The following AASDH variants were observed in gnomAD, a reference collection of about 807,000 sequenced individuals.
AASDH encodes the protein beta-alanine-activating enzyme.
A neutral mutation model predicts 102.3 loss-of-function variants in AASDH; 81 were observed. The ratio of observed to expected loss-of-function variants is 0.79; its 90% CI spans 0.66 to 0.95. The LOEUF (loss-of-function observed/expected upper bound fraction) is 0.95. Ranked by LOEUF, AASDH falls within the 40% of genes least tolerant of loss-of-function variation. AASDH has a pLI of 0.00. For missense variants in AASDH, 1,203 were observed against 1,266.2 expected, an observed-to-expected ratio of 0.95 and a Z score of 0.76; for synonymous variants, 398 against 454.0, an observed-to-expected ratio of 0.88 and a Z score of 1.57.
At chr4:56,369,642 G>A (rs1474552109) in intron 5 of AASDH, among the ~76,000 whole-genome samples, 1 of 152,188 alleles carries the variant, frequency 6.6e-6, no homozygotes, top group Admixed American at 6.5e-5. Context: ...AATAGAAAGT[G>A]GAAGGTGGGC....
chr4:56,372,058 GTAGTCCC>G, intron 4 of AASDH, among the ~76,000 whole-genome samples: 1 of 152,320 alleles, frequency 6.6e-6, no homozygotes, highest in East Asian at 1.9e-4. Context: ...ATCAAACCCT[GTAGTCCC>G]TAATCAGCTG....
In AASDH at chr4:56,354,112, A is replaced by G; in HGVS notation, c.1310T>C (p.Ile437Thr). Residue 437 changes from isoleucine to threonine, a missense_variant, in exon 8 of 15, where the codon ATT (isoleucine) becomes ACT (threonine). Coordinates refer to ENST00000205214, the MANE Select transcript of AASDH (RefSeq NM_181806.4). ...ACTGTCTTTTCGTCCCAAAAAAAAA[A>G]TCTCTCCATCTTTCACAGTCACAAA... Reference protein sequence around the residue: ...GDFVTVKDGEIFFLGRKDSQI... With the variant: ...GDFVTVKDGETFFLGRKDSQI... 6.2e-7 allele frequency: 1 copy of G among 1,613,384 alleles called. No homozygotes were observed. Among genetic ancestry groups the G allele is most frequent in the Non-Finnish European group, 8.5e-7 (1 of 1,179,554 alleles).
At chr4:56,377,071 A>AT (rs200043377) in intron 4 of AASDH, among the ~76,000 whole-genome samples, 52,639 of 138,084 alleles carry the variant, frequency 0.38, 9,873 homozygotes, top group Non-Finnish European at 0.43. Flanking sequence ...CGTCTCAAAA[A>AT]AAAAAAAAAA....
intron 11 of AASDH, among the ~76,000 whole-genome samples, chr4:56,345,807 A>G (rs543330749): frequency 6.6e-6 from 1 of 152,372 alleles, no homozygotes; most frequent in Admixed American, 6.5e-5. Context: ...AGCATTTACT[A>G]TGTGTCAGGC....
intron 12 of AASDH, 57 bp downstream of exon 12, chr4:56,345,070 T>C (rs910313689): frequency 4.4e-6 from 7 of 1,573,950 alleles, no homozygotes; most frequent in African/African-American, 1.4e-5. Context: ...GCCTCTGGAG[T>C]AACTACCATT....
At chr4:56,362,747 C>A (rs927419962) in intron 5 of AASDH, among the ~76,000 whole-genome samples, 1 of 152,008 alleles carries the variant, frequency 6.6e-6, no homozygotes, top group African/African-American at 2.4e-5. Context: ...AAAAGATGAA[C>A]CCTGGGGGTG....
In AASDH at chr4:56,338,798, C is replaced by CAAG; in HGVS notation, c.2908-10_2908-8dup. 6.2e-7 allele frequency: 1 copy of CAAG among 1,610,392 alleles called. No individual in the cohort carries two copies. Among genetic ancestry groups the CAAG allele is most frequent in the Non-Finnish European group, 8.5e-7 (1 of 1,178,224 alleles). On this transcript the variant is annotated splice_region_variant and splice_polypyrimidine_tract_variant and intron_variant, in intron 14 of 14. Coordinates refer to ENST00000205214, the MANE Select transcript of AASDH (RefSeq NM_181806.4). ...TGGTAGAGAACTGCCAAACCTATAA[C>CAAG]AAGTAATAAAAATAAATATAATTCA...
chr4:56,341,387 A>ATTTTTTTTTTTTT (rs1560561026), intron 14 of AASDH, among the ~76,000 whole-genome samples: 3 of 82,798 alleles, frequency 3.6e-5, no homozygotes, highest in African/African-American at 1.3e-4. Flanking sequence ...GGAGACTTTT[A>ATTTTTTTTTTTTT]TCTTTTTTTT....
Position 56,345,227 on chromosome 4 carries a change from G to A in AASDH, c.2552C>T (p.Thr851Ile). The change falls in exon 12 of 15, where the codon ACT becomes ATT. Residue 851 changes from threonine to isoleucine, a missense_variant. By Grantham distance (89) the Thr-to-Ile change is moderately conservative. Coordinates refer to ENST00000205214, the MANE Select transcript of AASDH (RefSeq NM_181806.4). ...CGAGCTTTTGACAGCATCTTCAGTA[G>A]TAAACATCCAGTATTTTTCTCCACT... Reference protein sequence around the residue: ...SNSGEKYWMFTTEDAVKSSAT... With the variant: ...SNSGEKYWMFITEDAVKSSAT... The A allele has an allele frequency of 6.2e-7, 1 of 1,613,860 alleles. No homozygotes were observed. The highest frequency in any genetic ancestry group is 1.3e-5 in the African/African-American group (1 of 75,038).
At chr4:56,380,189 G>C (rs538075770) in intron 3 of AASDH, among the ~76,000 whole-genome samples, 23 of 152,312 alleles carry the variant, frequency 1.5e-4, no homozygotes, top group Non-Finnish European at 3.2e-4. Flanking sequence ...TCTGGATATA[G>C]AGTGAGTCTA....
chr4:56,376,609 C>G (rs1294225833), intron 4 of AASDH, among the ~76,000 whole-genome samples: 5 of 152,094 alleles, frequency 3.3e-5, no homozygotes, highest in Non-Finnish European at 7.4e-5. Flanking sequence ...CCACTGAGCA[C>G]TAAGAATATG....
intron 2 of AASDH, 107 bp from the exon 3 acceptor site, chr4:56,382,704 A>G: frequency 4.4e-6 from 6 of 1,348,442 alleles, no homozygotes; most frequent in Non-Finnish European, 6.1e-6. Flanking sequence ...GCAGCATAAA[A>G]ATGGTTTCCG....
chr4:56,342,748 G>T, intron 14 of AASDH, 87 bp downstream of exon 14: 1 of 476,566 alleles, frequency 2.1e-6, no homozygotes, highest in Non-Finnish European at 2.9e-6. Context: ...TAGAACTATA[G>T]ATATATAAAA....
intron 4 of AASDH, among the ~76,000 whole-genome samples, chr4:56,373,147 T>C (rs924764588): frequency 6.6e-6 from 1 of 152,188 alleles, no homozygotes; most frequent in Non-Finnish European, 1.5e-5. Context: ...AGTTTTTTTG[T>C]TTTTGTTTTT....
chr4:56,368,863 T>G (rs1390306696), intron 5 of AASDH, among the ~76,000 whole-genome samples: 1 of 124,822 alleles, frequency 8.0e-6, no homozygotes, highest in Non-Finnish European at 1.9e-5. Context: ...CCCTAAAACT[T>G]AAATTAAAAA....
chr4:56,358,342 T>C (rs1234737542), intron 5 of AASDH, among the ~76,000 whole-genome samples: 1 of 151,500 alleles, frequency 6.6e-6, no homozygotes, highest in Non-Finnish European at 1.5e-5. Flanking sequence ...TCTTTAGTTT[T>C]TTTCCTTCTT....
At chr4:56,348,483 G>A (rs2109867878) in intron 11 of AASDH, among the ~76,000 whole-genome samples, 1 of 152,204 alleles carries the variant, frequency 6.6e-6, no homozygotes, top group African/African-American at 2.4e-5. Flanking sequence ...TCGAACTCCT[G>A]GGCACAAGCG....
chr4:56,353,426 G>A lies in AASDH; in HGVS notation c.1554C>T (p.Asp518=), dbSNP rs6554348. 0.62 allele frequency: 997,969 copies of A among 1,605,828 alleles called. 311,740 individuals are homozygous for A. Among genetic ancestry groups the A allele is most frequent in the Admixed American group, 0.72 (42,189 of 58,258 alleles). The change falls in exon 9 of 15, where the codon GAC becomes GAT. Residue 518 remains aspartate (D), a synonymous_variant. Transcript: ENST00000205214. ...HAVPDELVLI[D]SLPFTSHGKI... Reference sequence around the variant, plus strand: ...TACCGTGGGATGTAAATGGTAGAGAGTCGATCAATACAAGCTCATCCGGGA... The same window carrying A: ...TACCGTGGGATGTAAATGGTAGAGAATCGATCAATACAAGCTCATCCGGGA...
intron 11 of AASDH, among the ~76,000 whole-genome samples, chr4:56,346,516 A>G (rs1419032929): frequency 1.3e-5 from 2 of 152,162 alleles, no homozygotes; most frequent in Non-Finnish European, 2.9e-5. Flanking sequence ...AAAAAATTAA[A>G]TTGGACTTCA....
Sources: gnomAD v4.1 joint callset for allele counts (sites outside exome capture counted in the v4.1 genomes callset) on GRCh38, gnomAD v4.1.1 for gene constraint, MANE v1.5 for transcripts, NCBI Gene and HGNC (gene_info 2026-07-23, HGNC 2026-07-21) for gene names.